GLIPR1: variants seen among roughly 807,000 people sequenced by gnomAD.
GLIPR1 encodes the protein glioma pathogenesis-related protein 1.
GLIPR1 carries 38 observed loss-of-function variants against 30.3 expected under a neutral mutation model. That is an observed-to-expected ratio of 1.26 (90% confidence interval 0.97 to 1.65). The LOEUF (loss-of-function observed/expected upper bound fraction) is 1.65, where lower values mean the gene tolerates loss of function less well. Ranked by LOEUF, GLIPR1 falls within the 40% of genes most tolerant of loss-of-function variation. The pLI is 0.00. For missense variants in GLIPR1, 285 were observed against 326.5 expected, an observed-to-expected ratio of 0.87 and a Z score of 0.98; for synonymous variants, 122 against 110.6, an observed-to-expected ratio of 1.10 and a Z score of -0.65.
chr12:75,495,475 C>T (rs959601976), intron 3 of GLIPR1, 102 bp from the exon 4 acceptor site: 17 of 661,898 alleles, frequency 2.6e-5, no homozygotes, highest in Non-Finnish European at 4.7e-5. Flanking sequence ...GACCTTTGTA[C>T]TTCACTCCAC....
Position 75,481,008 on chromosome 12 carries a change from A to C in GLIPR1, c.128A>C (p.Lys43Thr). ...AAAGACTGCGTTCGAATCCATAACAAGTTCCGATCAGAGGTGAAACCAACA... is the reference window on the plus strand; with the variant it reads ...AAAGACTGCGTTCGAATCCATAACACGTTCCGATCAGAGGTGAAACCAACA... The part of the protein sequence containing the change: ...FIKDCVRIHN[K>T]FRSEVKPTAS... Residue 43 changes from lysine (K) to threonine (T), a missense_variant, in exon 1 of 6, where the codon AAG becomes ACG. Coordinates refer to ENST00000266659, the MANE Select transcript of GLIPR1 (RefSeq NM_006851.3). 6.2e-7 allele frequency: 1 copy of C among 1,614,012 alleles called. No individual in the cohort carries two copies. The highest frequency in any genetic ancestry group is 8.5e-7 in the Non-Finnish European group (1 of 1,179,876).
In GLIPR1 at chr12:75,502,273, GGA is replaced by G. The variant is rs1015888678; in HGVS notation, c.*3303_*3304del. On this transcript the variant is annotated 3_prime_UTR_variant, in exon 6 of 6. Coordinates refer to ENST00000266659, the MANE Select transcript of GLIPR1 (RefSeq NM_006851.3). The stretch of plus-strand genomic sequence containing the variant: ...ATTCAGAAAAGTGTGAGAAGAAACT[GGA>G]GAGAGAGTTTTGGGGAAAATTTGAA... 10 of 289,460 alleles carry G rather than the reference GGA, an allele frequency of 3.5e-5. No homozygotes were observed. Among genetic ancestry groups the G allele is most frequent in the Non-Finnish European group, 3.2e-5 (5 of 156,362 alleles). 17.9% of individuals were successfully genotyped at this position (289,460 alleles called of 1,614,324 possible).
intron 4 of GLIPR1, 23 bp from the exon 5 acceptor site, chr12:75,498,668 TTTC>T: frequency 6.2e-7 from 1 of 1,600,218 alleles, no homozygotes; most frequent in Non-Finnish European, 8.6e-7. Flanking sequence ...TTTAATTTTT[TTTC>T]TTTCTTCCCC....
chr12:75,501,484 T>G lies in GLIPR1; in HGVS notation c.*2506T>G. 4.7e-6 allele frequency: 2 copies of G among 429,190 alleles called. No individual in the cohort carries two copies. The highest frequency in any genetic ancestry group is 3.9e-5 in the East Asian group (1 of 25,600). The allele number at this position is 429,190 out of a possible 1,614,324, so 26.6% of individuals were successfully genotyped here. A position where few individuals can be genotyped will look rare whatever the true frequency, so the allele number is the denominator to read the frequency against. Reference sequence around the variant, plus strand: ...GTATCTTTCACAACAAAGAGTCTTTTCCAAGCACAGACCAGAGGTCAGGAG... The same window carrying G: ...GTATCTTTCACAACAAAGAGTCTTTGCCAAGCACAGACCAGAGGTCAGGAG... On this transcript the variant is annotated 3_prime_UTR_variant, in exon 6 of 6. Coordinates refer to ENST00000266659, the MANE Select transcript of GLIPR1 (RefSeq NM_006851.3).
chr12:75,495,639 A>G lies in GLIPR1; in HGVS notation c.596A>G (p.Asp199Gly), dbSNP rs1410672523. ...GATCSACPNN[D>G]KCLDNLCVNR... ...ACCTGCAGTGCCTGCCCCAATAATGACAAGTGTTTGGACAATCTCTGTGGT... is the reference window on the plus strand; with the variant it reads ...ACCTGCAGTGCCTGCCCCAATAATGGCAAGTGTTTGGACAATCTCTGTGGT... The change falls in exon 4 of 6, where the codon GAC becomes GGC. Residue 199 changes from aspartate to glycine, a missense_variant. By Grantham distance (94) the Asp-to-Gly change is moderately conservative. Coordinates refer to ENST00000266659, the MANE Select transcript of GLIPR1 (RefSeq NM_006851.3). 1 of 1,608,752 alleles carries G rather than the reference A, an allele frequency of 6.2e-7. No homozygotes were observed. Among genetic ancestry groups the G allele is most frequent in the South Asian group, 1.1e-5 (1 of 90,932 alleles).
At chr12:75,490,725 A>AGG (rs771962542) in intron 3 of GLIPR1, 118 of 464,196 alleles carry the variant, frequency 2.5e-4, no homozygotes, top group South Asian at 1.5e-3. Context: ...GGAGAGAGAG[A>AGG]GGGTGTGTGT....
At chr12:75,498,473 T>C (rs2046365642) in intron 4 of GLIPR1, 1 of 452,634 alleles carries the variant, frequency 2.2e-6, no homozygotes, top group Non-Finnish European at 3.9e-6. Context: ...TATAGTTTCC[T>C]TTTTATAAAA....
At chr12:75,490,642 A>G (rs2046318470) in intron 3 of GLIPR1, 124 bp downstream of exon 3, 1 of 578,154 alleles carries the variant, frequency 1.7e-6, no homozygotes, top group Admixed American at 3.1e-5. Context: ...TAAAGTATAA[A>G]TAAAAAATTA....
chr12:75,481,930 C>G lies in GLIPR1; in HGVS notation c.271C>G (p.Pro91Ala), dbSNP rs141837973. The change falls in exon 2 of 6, where the codon CCA (proline) becomes GCA (alanine). Residue 91 changes from proline (P) to alanine (A), a missense_variant. Transcript: ENST00000266659. ...TRLKPPHKLH[P>A]NFTSLGENIW... ...GCTGAAGCCACCCCACAAGCTGCAC[C>G]CAAACTTCACTTCACTGGGAGAGAA... 7 of 1,614,006 alleles carry G rather than the reference C, an allele frequency of 4.3e-6. No homozygotes were observed. Among genetic ancestry groups the G allele is most frequent in the Non-Finnish European group, 5.9e-6 (7 of 1,180,024 alleles).
Position 75,500,800 on chromosome 12 carries a change from G to C in GLIPR1, c.*1822G>C, listed in dbSNP as rs1243595503. On this transcript the variant is annotated 3_prime_UTR_variant, in exon 6 of 6. Coordinates refer to ENST00000266659, the MANE Select transcript of GLIPR1 (RefSeq NM_006851.3). Reference sequence around the variant, plus strand: ...CCCAGCAACCTGAGAAGCACAGAGTGTTAAAGCCTCCACCGTGTGGAGAAA... The same window carrying C: ...CCCAGCAACCTGAGAAGCACAGAGTCTTAAAGCCTCCACCGTGTGGAGAAA... The C allele has an allele frequency of 1.3e-5, 2 of 152,042 alleles. No homozygotes were observed. The highest frequency in any genetic ancestry group is 2.9e-5 in the Non-Finnish European group (2 of 67,984). 9.4% of individuals were successfully genotyped at this position (152,042 alleles called of 1,614,324 possible).
intron 2 of GLIPR1, among the ~76,000 whole-genome samples, chr12:75,487,474 C>G (rs757802293): frequency 1.2e-4 from 19 of 152,236 alleles, no homozygotes; most frequent in Non-Finnish European, 2.4e-4. Context: ...ATTGCCTGTT[C>G]AGGCTGGAGT....
In GLIPR1 at chr12:75,499,092, T is replaced by C; in HGVS notation, c.*114T>C. ...TTAAAACATTTCAGAAAAAAATATA[T>C]GTTATAGCAATACTCTTACTCAAAA... On this transcript the variant is annotated 3_prime_UTR_variant, in exon 6 of 6. Coordinates refer to ENST00000266659, the MANE Select transcript of GLIPR1 (RefSeq NM_006851.3). 1 of 607,440 alleles carries C rather than the reference T, an allele frequency of 1.6e-6. No homozygotes were observed. Among genetic ancestry groups the C allele is most frequent in the Non-Finnish European group, 2.7e-6 (1 of 368,920 alleles). 37.6% of individuals were successfully genotyped at this position (607,440 alleles called of 1,614,324 possible). A position where few individuals can be genotyped will look rare whatever the true frequency, so the allele number is the denominator to read the frequency against.
In GLIPR1 at chr12:75,499,188, A is replaced by T. The variant is rs547444282; in HGVS notation, c.*210A>T. On this transcript the variant is annotated 3_prime_UTR_variant, in exon 6 of 6. Coordinates refer to ENST00000266659, the MANE Select transcript of GLIPR1 (RefSeq NM_006851.3). ...ATAAGCATTATTTGCAGGTTGCCAC[A>T]GGTGGACTTTTAGTAAGTAACCTAA... is the stretch of plus-strand genomic sequence containing the variant. 1.1e-3 allele frequency: 421 copies of T among 391,620 alleles called. 1 individual carries two copies. Among genetic ancestry groups the T allele is most frequent in the Non-Finnish European group, 1.5e-3 (340 of 221,286 alleles). The allele number at this position is 391,620 out of a possible 1,614,324, so 24.3% of individuals were successfully genotyped here. A position where few individuals can be genotyped will look rare whatever the true frequency, so the allele number is the denominator to read the frequency against.
intron 4 of GLIPR1, chr12:75,497,074 A>G (rs1784219378): frequency 6.6e-6 from 1 of 152,224 alleles, no homozygotes; most frequent in African/African-American, 2.4e-5. Context: ...ACCAGTATAC[A>G]TAAGGGCTAA....
intron 2 of GLIPR1, 36 bp downstream of exon 2, chr12:75,482,115 T>G (rs766099576): frequency 6.3e-7 from 1 of 1,588,586 alleles, no homozygotes; most frequent in South Asian, 1.1e-5. Flanking sequence ...GAAACTGTCT[T>G]TTCAAGTATG....
intron 2 of GLIPR1, chr12:75,483,315 A>G (rs1313621163): frequency 6.6e-6 from 1 of 152,200 alleles, no homozygotes; most frequent in East Asian, 1.9e-4. Flanking sequence ...TGCGGTATTT[A>G]AATACTCAGA....
chr12:75,496,002 T>C (rs2046348863), intron 4 of GLIPR1: 2 of 129,536 alleles, frequency 1.5e-5, no homozygotes, highest in African/African-American at 5.7e-5. Context: ...TTTTCGTTTT[T>C]TTTTTTGTTT....
rs2046383664 is a variant in GLIPR1, at chr12:75,500,370, C to CATTTAAAA, written c.*1392_*1393insATTTAAAA. On this transcript the variant is annotated 3_prime_UTR_variant, in exon 6 of 6. Transcript: ENST00000266659. ...AAAATAATTTAAAATTACATGTATC[C>CATTTAAAA]CTTCTCAATAAGTTTAATCAGCTAA... The CATTTAAAA allele has an allele frequency of 6.6e-6, 1 of 152,062 alleles. No individual in the cohort carries two copies. Among genetic ancestry groups the CATTTAAAA allele is most frequent in the African/African-American group, 2.4e-5 (1 of 41,340 alleles). 9.4% of individuals were successfully genotyped at this position (152,062 alleles called of 1,614,324 possible).
At position 75,498,804 on chromosome 12, in the gene GLIPR1, A is replaced by G. The variant is rs1269537451; in HGVS notation, c.647-20A>G. 6.2e-6 allele frequency: 10 copies of G among 1,611,936 alleles called. No individual in the cohort carries two copies. The highest frequency in any genetic ancestry group is 8.5e-7 in the Non-Finnish European group (1 of 1,178,466). On this transcript the variant is annotated intron_variant, in intron 5 of 5. Transcript: ENST00000266659. ...TATGAGGAACAATGTCTAAGAGGAT[A>G]TTCTATGTTTGTTTCACAGGTTACT...
Sources: gnomAD v4.1 joint callset for allele counts (sites outside exome capture counted in the v4.1 genomes callset) on GRCh38, gnomAD v4.1.1 for gene constraint, MANE v1.5 for transcripts, NCBI Gene and HGNC (gene_info 2026-07-23, HGNC 2026-07-21) for gene names.